EFCAB12: variants seen among roughly 807,000 people sequenced by gnomAD.
The protein encoded by EFCAB12 is EF-hand calcium binding domain 12.
Under a neutral mutation model 53.6 loss-of-function variants are expected in EFCAB12, and 43 were observed. The observed-to-expected ratio is 0.80, with a 90% CI of 0.63 to 1.03. The LOEUF (loss-of-function observed/expected upper bound fraction) is 1.03. EFCAB12 is among the 50% of genes least tolerant of loss of function. The pLI, the probability that EFCAB12 is intolerant of heterozygous loss-of-function variation, is 0.00. For missense variants in EFCAB12, 646 were observed against 730.6 expected (o/e 0.88, Z 1.34); for synonymous variants, 269 against 289.2 (o/e 0.93, Z 0.71).
chr3:129,417,959 G>C (rs2072139083), intron 3 of EFCAB12, among the ~76,000 whole-genome samples: 1 of 152,122 alleles, frequency 6.6e-6, no homozygotes, highest in African/African-American at 2.4e-5. Flanking sequence ...TGCAAGACAG[G>C]GATTCTCCAA....
chr3:129,421,721 C>T lies in EFCAB12; in HGVS notation c.132G>A (p.Gln44=). The part of the protein sequence containing the change: ...PEPVIAHCFK[Q]FQQKDFRLPQ... ...GCAGGCGGAAGTCCTTCTGCTGGAA[C>T]TGCTTGAAGCAGTGGGCAATGACCG... The change falls in exon 2 of 9, where the codon CAG becomes CAA. Residue 44 remains glutamine, a synonymous_variant. Transcript: ENST00000505956. 6.2e-7 allele frequency: 1 copy of T among 1,613,900 alleles called. No homozygotes were observed. The highest frequency in any genetic ancestry group is 8.5e-7 in the Non-Finnish European group (1 of 1,179,882).
intron 1 of EFCAB12, among the ~76,000 whole-genome samples, chr3:129,422,873 C>A (rs2072206859): frequency 6.6e-6 from 1 of 152,102 alleles, no homozygotes; most frequent in South Asian, 2.1e-4. Flanking sequence ...CAGCAATTTG[C>A]CTTTGAGACC....
In EFCAB12 at chr3:129,425,604, G is replaced by A. The variant is rs767621311; in HGVS notation, c.49+2836C>T. ...CCAGCCCCTGACCCCACTTTCCAAG[G>A]GTGCCTGCCCACCAAACCTCCTCAG... On this transcript the variant is annotated intron_variant, in intron 1 of 8. Transcript: ENST00000505956. Among the ~76,000 whole-genome samples the A allele has an allele frequency of 5.9e-5, 9 of 152,220 alleles. No homozygotes were observed. In the East Asian group the frequency reaches 9.6e-4, roughly 16 times the overall value.
At chr3:129,423,511 G>A (rs9852506) in intron 1 of EFCAB12, among the ~76,000 whole-genome samples, 9,755 of 151,834 alleles carry the variant, frequency 0.064, 947 homozygotes, top group East Asian at 0.44. Context: ...GCCTGTAGTC[G>A]CAGCTCCTCA....
At position 129,401,818 on chromosome 3, in the gene EFCAB12, C is replaced by G; in HGVS notation, c.1494G>C (p.Gln498His). 2.5e-6 allele frequency: 4 copies of G among 1,613,252 alleles called. No individual in the cohort carries two copies. The highest frequency in any genetic ancestry group is 2.5e-6 in the Non-Finnish European group (3 of 1,179,526). ...GCCAGAAGGAATTGGGGTGTGTTTG[C>G]TGCAGACCACTGGACCTCTTCACCT... Reference protein sequence around the residue: ...KLKVKRSSGLQQTHPNSFWPG... With the variant: ...KLKVKRSSGLHQTHPNSFWPG... Residue 498 changes from glutamine to histidine, a missense_variant, in exon 9 of 9, where the codon CAG (glutamine) becomes CAC (histidine). By Grantham distance (24) the Gln-to-His change is conservative. Coordinates refer to ENST00000505956, the MANE Select transcript of EFCAB12 (RefSeq NM_207307.3).
intron 3 of EFCAB12, among the ~76,000 whole-genome samples, chr3:129,416,208 C>G (rs1305171209): frequency 2.0e-5 from 3 of 151,888 alleles, no homozygotes; most frequent in African/African-American, 4.8e-5. Context: ...TGCCTGAGGC[C>G]AGGAGTTCGA....
intron 6 of EFCAB12, among the ~76,000 whole-genome samples, chr3:129,408,002 G>A (rs377703705): frequency 3.5e-4 from 53 of 152,280 alleles, no homozygotes; most frequent in African/African-American, 1.1e-3. Context: ...GCCCTTCTCC[G>A]CTCCCACATA....
chr3:129,420,729 C>T (rs2072177643), intron 2 of EFCAB12, among the ~76,000 whole-genome samples: 3 of 152,200 alleles, frequency 2.0e-5, no homozygotes. Context: ...CTGCTTCCCT[C>T]CTTTCTAAGA....
chr3:129,410,459 G>A (rs1196849264), intron 5 of EFCAB12, among the ~76,000 whole-genome samples: 1 of 152,054 alleles, frequency 6.6e-6, no homozygotes, highest in East Asian at 1.9e-4. Context: ...TGGGACCACA[G>A]GCACATGCCA....
intron 5 of EFCAB12, among the ~76,000 whole-genome samples, chr3:129,410,179 T>A (rs909560754): frequency 2.6e-5 from 4 of 151,704 alleles, no homozygotes; most frequent in Non-Finnish European, 5.9e-5. Flanking sequence ...GCTAATTTTT[T>A]AAAAATTTTG....
intron 3 of EFCAB12, among the ~76,000 whole-genome samples, chr3:129,417,473 A>G (rs1450656417): frequency 6.6e-6 from 1 of 152,064 alleles, no homozygotes; most frequent in African/African-American, 2.4e-5. Flanking sequence ...GCATGAAAGC[A>G]GCCATAGACA....
intron 6 of EFCAB12, among the ~76,000 whole-genome samples, chr3:129,405,779 A>G (rs1352829413): frequency 3.9e-5 from 6 of 152,156 alleles, no homozygotes; most frequent in African/African-American, 1.4e-4. Context: ...CTCTGTCATA[A>G]AGATACCGAA....
rs79655955 is a variant in EFCAB12, at chr3:129,415,493, T to C, written c.682-92A>G. On this transcript the variant is annotated intron_variant, in intron 3 of 8. Transcript: ENST00000505956. ...CCTTACCAGCCTCCTCAGACCCCCA[T>C]CCTGCTTCCAGTTTCATCCTCAACC... 2.4e-3 allele frequency: 3,605 copies of C among 1,507,146 alleles called. 65 individuals carry two copies. The African/African-American group carries it at 0.039, about 16-fold the overall frequency. 93.4% of individuals were successfully genotyped at this position (1,507,146 alleles called of 1,614,324 possible).
chr3:129,404,142 G>T (rs1219199033), intron 7 of EFCAB12, 108 bp downstream of exon 7: 2 of 1,443,240 alleles, frequency 1.4e-6, no homozygotes, highest in Non-Finnish European at 1.9e-6. Flanking sequence ...GGATGCAGAC[G>T]CAAGCACAGC....
chr3:129,427,465 G>A (rs2072287840), intron 1 of EFCAB12, among the ~76,000 whole-genome samples: 1 of 152,034 alleles, frequency 6.6e-6, no homozygotes, highest in Non-Finnish European at 1.5e-5. Flanking sequence ...TGTGTTTCCT[G>A]ACCAACCAGC....
At chr3:129,407,255 C>G (rs2071965366) in intron 6 of EFCAB12, among the ~76,000 whole-genome samples, 1 of 152,196 alleles carries the variant, frequency 6.6e-6, no homozygotes, top group African/African-American at 2.4e-5. Context: ...GATCTGGGAC[C>G]TCCAGCCTCC....
chr3:129,416,441 AC>A, intron 3 of EFCAB12, among the ~76,000 whole-genome samples: 1 of 151,184 alleles, frequency 6.6e-6, no homozygotes, highest in African/African-American at 2.4e-5. Flanking sequence ...AAACAAACAA[AC>A]AAACAAAAAA....
intron 7 of EFCAB12, chr3:129,403,449 A>G (rs7615711): frequency 0.34 from 51,311 of 152,152 alleles, 11,324 homozygotes; most frequent in East Asian, 0.63. Flanking sequence ...CATTTAACCG[A>G]AGGCCTGTCT....
chr3:129,421,896 C>T, intron 1 of EFCAB12, 93 bp from the exon 2 acceptor site: 2 of 1,255,328 alleles, frequency 1.6e-6, no homozygotes, highest in South Asian at 1.6e-5. Flanking sequence ...GGCTGGGCAA[C>T]AGGGCCCTGG....
Sources: gnomAD v4.1 joint callset for allele counts (sites outside exome capture counted in the v4.1 genomes callset) on GRCh38, gnomAD v4.1.1 for gene constraint, MANE v1.5 for transcripts, NCBI Gene and HGNC (gene_info 2026-07-23, HGNC 2026-07-21) for gene names.